The following EPM2A variants were observed in gnomAD, a reference collection of about 807,000 sequenced individuals.
EPM2A encodes the protein EPM2A glucan phosphatase, laforin.
In EPM2A, 21 loss-of-function variants were observed where a neutral mutation model predicts 26.5. The observed-to-expected ratio is 0.79, with a 90% CI of 0.56 to 1.14. The LOEUF is 1.14. Ranked by LOEUF, EPM2A falls within the 50% of genes most tolerant of loss-of-function variation. The pLI is 0.00. For missense variants in EPM2A, 458 were observed against 440.8 expected, an observed-to-expected ratio of 1.04 and a Z score of -0.35; for synonymous variants, 217 against 177.6, an observed-to-expected ratio of 1.22 and a Z score of -1.76.
intron 2 of EPM2A, among the ~76,000 whole-genome samples, chr6:145,613,107 TATTA>T (rs1418685005): frequency 6.6e-5 from 10 of 152,360 alleles, no homozygotes; most frequent in African/African-American, 1.2e-4. Flanking sequence ...TGCCATTATT[TATTA>T]ATTAAAGTTA....
In EPM2A at chr6:145,715,990, A is replaced by C. The variant is rs143934608; in HGVS notation, c.301+19208T>G. On this transcript the variant is annotated intron_variant, in intron 1 of 3. Coordinates refer to ENST00000367519, the MANE Select transcript of EPM2A (RefSeq NM_005670.4). ...CATCCCCACCTCCCCAGTCCATGGA[A>C]AAATTATCTACCACAAAACTGGTCT... Among the ~76,000 whole-genome samples the C allele has an allele frequency of 7.7e-3, 1,166 of 152,290 alleles. 19 individuals are homozygous for C. The highest frequency in any genetic ancestry group is 0.027 in the African/African-American group (1,106 of 41,560).
intron 4 of EPM2A, among the ~76,000 whole-genome samples, chr6:145,451,103 G>A (rs1290408632): frequency 1.3e-5 from 2 of 152,108 alleles, no homozygotes; most frequent in Non-Finnish European, 2.9e-5. Flanking sequence ...TACGGTTTAA[G>A]CTTTTAAGTG....
chr6:145,732,411 C>CATATATAT (rs759887054), intron 1 of EPM2A, among the ~76,000 whole-genome samples: 1 of 56,294 alleles, frequency 1.8e-5, no homozygotes, highest in Non-Finnish European at 4.4e-5. Flanking sequence ...CACACACACA[C>CATATATAT]ATATATATAT....
At chr6:145,654,598 AAGTTCATT>A (rs1778128458) in intron 2 of EPM2A, among the ~76,000 whole-genome samples, 1 of 152,238 alleles carries the variant, frequency 6.6e-6, no homozygotes, top group Non-Finnish European at 1.5e-5. Flanking sequence ...AAAGTCTGTC[AAGTTCATT>A]ATACCTGATC....
intron 4 of EPM2A, among the ~76,000 whole-genome samples, chr6:145,487,207 T>A (rs1443166925): frequency 2.0e-5 from 3 of 152,244 alleles, no homozygotes; most frequent in African/African-American, 7.2e-5. Context: ...TTCCATGGGT[T>A]ATATGTACCA....
intron 2 of EPM2A, among the ~76,000 whole-genome samples, chr6:145,599,560 T>C (rs1424567143): frequency 6.6e-6 from 1 of 152,008 alleles, no homozygotes; most frequent in Non-Finnish European, 1.5e-5. Flanking sequence ...CTCTTCTTTT[T>C]GGGTGGATAC....
Position 145,405,546 on chromosome 6 carries a change from T to A in EPM2A, c.556-21449A>T, listed in dbSNP as rs1027429749. On this transcript the variant is annotated intron_variant, in intron 4 of 4. Coordinates refer to the EPM2A transcript ENST00000638717. The stretch of plus-strand genomic sequence containing the variant: ...TGATAAAGCACTGTACCATGTAGAC[T>A]GTTCTTTCTAAATAAGTTTTAAACT... Among the ~76,000 whole-genome samples, 3 of 152,256 alleles carry A rather than the reference T, an allele frequency of 2.0e-5. No homozygotes were observed. In the South Asian group the frequency reaches 6.2e-4, roughly 32 times the overall value.
chr6:145,635,163 G>C (rs568681236), intron 3 of EPM2A, 82 bp downstream of exon 3: 3 of 1,471,126 alleles, frequency 2.0e-6, no homozygotes, highest in South Asian at 1.2e-5. Context: ...TCATTTTTAA[G>C]ATATTAAATT....
chr6:145,551,919 G>T (rs1780660610), intron 2 of EPM2A, among the ~76,000 whole-genome samples: 1 of 150,880 alleles, frequency 6.6e-6, no homozygotes, highest in African/African-American at 2.4e-5. Context: ...GCATAGTAAA[G>T]AATTTCTAGA....
chr6:145,439,589 T>C (rs1779035299), intron 4 of EPM2A, among the ~76,000 whole-genome samples: 1 of 152,252 alleles, frequency 6.6e-6, no homozygotes, highest in Admixed American at 6.5e-5. Flanking sequence ...TTTTTTCATA[T>C]GCTTGTTGGC....
At chr6:145,666,843 C>T (rs2128594348) in intron 2 of EPM2A, among the ~76,000 whole-genome samples, 1 of 150,224 alleles carries the variant, frequency 6.7e-6, no homozygotes, top group South Asian at 2.1e-4. Context: ...AGAAAAGAGC[C>T]CTCAGAAATA....
chr6:145,521,634 C>A (rs148466600), intron 2 of EPM2A, among the ~76,000 whole-genome samples: 6 of 152,090 alleles, frequency 3.9e-5, no homozygotes, highest in East Asian at 1.9e-4. Context: ...ATTGTGAGCC[C>A]TGAAGGGGCA....
chr6:145,672,526 C>A (rs921672566), intron 2 of EPM2A, among the ~76,000 whole-genome samples: 1 of 152,140 alleles, frequency 6.6e-6, no homozygotes, highest in Non-Finnish European at 1.5e-5. Flanking sequence ...CTTTTAGATA[C>A]GAGAAAAAGA....
chr6:145,443,166 C>T (rs557133513), intron 4 of EPM2A, among the ~76,000 whole-genome samples: 54 of 152,264 alleles, frequency 3.5e-4, no homozygotes, highest in Middle Eastern at 6.8e-3. Context: ...CCACCACACC[C>T]GGCCCCAGCT....
At chr6:145,533,002 C>T (rs1413377842) in intron 2 of EPM2A, among the ~76,000 whole-genome samples, 1 of 152,120 alleles carries the variant, frequency 6.6e-6, no homozygotes, top group Non-Finnish European at 1.5e-5. Context: ...AAGCATCAAA[C>T]TTATATATTC....
intron 2 of EPM2A, among the ~76,000 whole-genome samples, chr6:145,523,525 A>G (rs1245388281): frequency 2.0e-5 from 3 of 152,090 alleles, no homozygotes; most frequent in African/African-American, 7.2e-5. Flanking sequence ...GTGATCTTTG[A>G]TGTTAATATT....
downstream of EPM2A, among the ~76,000 whole-genome samples, chr6:145,623,628 T>C (rs948033737): frequency 1.3e-5 from 2 of 152,162 alleles, no homozygotes; most frequent in African/African-American, 4.8e-5. Context: ...TGAGAGTCAT[T>C]GGAGCTTTTA....
At chr6:145,655,867 T>A (rs1778241735) in intron 2 of EPM2A, among the ~76,000 whole-genome samples, 1 of 152,208 alleles carries the variant, frequency 6.6e-6, no homozygotes, top group Admixed American at 6.5e-5. Context: ...GACCCTGGAA[T>A]CAGCTATATC....
At chr6:145,554,422 TGATAGATA>T (rs34637179) in intron 2 of EPM2A, among the ~76,000 whole-genome samples, 3,158 of 146,174 alleles carry the variant, frequency 0.022, 34 homozygotes, top group African/African-American at 0.042. Context: ...GATAGATAGA[TGATAGATA>T]GATAGATAGA....
Sources: gnomAD v4.1 joint callset for allele counts (sites outside exome capture counted in the v4.1 genomes callset) on GRCh38, gnomAD v4.1.1 for gene constraint, MANE v1.5 for transcripts, NCBI Gene and HGNC (gene_info 2026-07-23, HGNC 2026-07-21) for gene names.